The following RBFOX1 variants were observed in gnomAD, a reference collection of about 807,000 sequenced individuals.
The protein encoded by RBFOX1 is RNA binding fox-1 homolog 1.
RBFOX1 carries 8 observed loss-of-function variants against 57.7 expected under a neutral mutation model. The observed-to-expected ratio is 0.14, with a 90% CI of 0.08 to 0.25. The LOEUF (loss-of-function observed/expected upper bound fraction) is 0.25. Among genes scored for constraint, RBFOX1 ranks in the 10% least tolerant of loss-of-function variants. The probability of loss-of-function intolerance (pLI) is 1.00; values close to 1 mark genes in which losing one functional copy is unlikely to be tolerated. For synonymous variants in RBFOX1, 326 were observed against 222.4 expected (o/e 1.47, Z -4.15); for missense variants, 611 against 548.5 (o/e 1.11, Z -1.14).
rs1383563643 is a variant in RBFOX1 at position 7,120,153 on chromosome 16, C to T, written c.27+68055C>T. On this transcript the variant is annotated intron_variant, in intron 4 of 15. Transcript: ENST00000550418. ...GAATTATAGAACTTAAATGAAAATA[C>T]ATTTTACAAAATATATGGTGGGAAG... Among the ~76,000 whole-genome samples the T allele has an allele frequency of 3.3e-5, 5 of 152,074 alleles. No individual in the cohort carries two copies. The South Asian group carries it at 8.3e-4, about 25-fold the overall frequency.
intron 2 of RBFOX1, among the ~76,000 whole-genome samples, chr16:6,573,455 A>G (rs900677673): frequency 1.3e-5 from 2 of 152,186 alleles, no homozygotes; most frequent in Non-Finnish European, 2.9e-5. Context: ...ATTCACTCAG[A>G]TCATAATCAG....
rs1248692062 is a variant in RBFOX1, at chr16:6,196,400, G to C, written c.-126-120595G>C. The stretch of plus-strand genomic sequence containing the variant: ...ATTGACAGGATAACATTATCTTTCA[G>C]ATTTTTTGTAGGTAATTTAAATAAT... On this transcript the variant is annotated intron_variant, in intron 1 of 15. Transcript: ENST00000550418. Among the ~76,000 whole-genome samples the C allele has an allele frequency of 2.0e-5, 3 of 152,166 alleles. No individual in the cohort carries two copies. In the East Asian group the frequency reaches 5.8e-4, roughly 29 times the overall value.
intron 3 of RBFOX1, among the ~76,000 whole-genome samples, chr16:7,000,700 G>C (rs923087107): frequency 1.4e-5 from 2 of 142,054 alleles, no homozygotes; most frequent in South Asian, 2.4e-4. Context: ...TGCCTACCGG[G>C]TTCATGCCAT....
intron 4 of RBFOX1, among the ~76,000 whole-genome samples, chr16:7,159,128 G>A (rs1443028980): frequency 6.6e-6 from 1 of 151,924 alleles, no homozygotes; most frequent in African/African-American, 2.4e-5. Context: ...TGTAACCTTT[G>A]GAGACTGGCT....
rs534056332 is a variant in RBFOX1 at position 5,720,814 on chromosome 16, T to C, written c.318+121853T>C. Among the ~76,000 whole-genome samples the C allele has an allele frequency of 9.2e-5, 14 of 152,380 alleles. No homozygotes were observed. The South Asian group carries it at 2.9e-3, about 32-fold the overall frequency. On this transcript the variant is annotated intron_variant, in intron 3 of 19. Coordinates refer to the RBFOX1 transcript ENST00000641259. Reference sequence around the variant, plus strand: ...TATATAAGTTCTTAGGCTAGTACCATACTATCTTCATCACTGTAGCTTTGT... The same window carrying C: ...TATATAAGTTCTTAGGCTAGTACCACACTATCTTCATCACTGTAGCTTTGT...
At chr16:6,625,186 G>C (rs1344860569) in intron 2 of RBFOX1, among the ~76,000 whole-genome samples, 1 of 88,536 alleles carries the variant, frequency 1.1e-5, no homozygotes, top group Admixed American at 1.1e-4. Flanking sequence ...AAAAAAAAAA[G>C]GTATTCTGGT....
intron 1 of RBFOX1, among the ~76,000 whole-genome samples, chr16:6,278,608 C>G (rs996997113): frequency 2.0e-5 from 3 of 151,954 alleles, no homozygotes; most frequent in Non-Finnish European, 4.4e-5. Context: ...TCGTGGGTCT[C>G]TACAAAGATT....
intron 2 of RBFOX1, among the ~76,000 whole-genome samples, chr16:5,527,761 C>T (rs1325461711): frequency 6.6e-6 from 1 of 152,166 alleles, no homozygotes; most frequent in Non-Finnish European, 1.5e-5. Flanking sequence ...TTGTACCTTG[C>T]ATCTAAGGGA....
chr16:6,925,139 TTTTTTTTTTTTTG>T (rs2075320074), intron 3 of RBFOX1, among the ~76,000 whole-genome samples: 4 of 78,338 alleles, frequency 5.1e-5, no homozygotes, highest in Non-Finnish European at 7.6e-5. Context: ...TTTTTTTTTT[TTTTTTTTTTTTTG>T]AGATGGAGTT....
intron 4 of RBFOX1, among the ~76,000 whole-genome samples, chr16:7,089,233 G>A (rs11861485): frequency 0.41 from 61,996 of 151,894 alleles, 12,844 homozygotes; most frequent in East Asian, 0.49. Context: ...TTTTCTCTTC[G>A]AGCTTGCGTA....
At chr16:6,508,858 A>G (rs1349639417) in intron 2 of RBFOX1, among the ~76,000 whole-genome samples, 1 of 135,592 alleles carries the variant, frequency 7.4e-6, no homozygotes, top group African/African-American at 2.9e-5. Flanking sequence ...GCACCAACCT[A>G]CGAATCATAA....
At chr16:6,280,640 C>G (rs1033518265) in intron 1 of RBFOX1, among the ~76,000 whole-genome samples, 3 of 152,018 alleles carry the variant, frequency 2.0e-5, no homozygotes, top group African/African-American at 7.3e-5. Context: ...GCCCCACGAG[C>G]CAGAATATAG....
intron 4 of RBFOX1, among the ~76,000 whole-genome samples, chr16:7,322,736 G>A (rs1487781620): frequency 6.6e-6 from 1 of 152,120 alleles, no homozygotes; most frequent in African/African-American, 2.4e-5. Flanking sequence ...CAATGGTATG[G>A]GAAAAAGCCA....
chr16:6,207,530 A>T (rs1334495634), intron 1 of RBFOX1, among the ~76,000 whole-genome samples: 1 of 152,094 alleles, frequency 6.6e-6, no homozygotes, highest in Non-Finnish European at 1.5e-5. Context: ...AGAAGAAGAG[A>T]TTCAAGGAGA....
chr16:6,933,297 T>C (rs567776214), intron 3 of RBFOX1, among the ~76,000 whole-genome samples: 7 of 152,348 alleles, frequency 4.6e-5, no homozygotes, highest in African/African-American at 1.7e-4. Flanking sequence ...TATTTATTTA[T>C]TTTTTAGTAA....
intron 4 of RBFOX1, among the ~76,000 whole-genome samples, chr16:5,983,597 C>G (rs902781576): frequency 6.6e-6 from 1 of 152,184 alleles, no homozygotes; most frequent in African/African-American, 2.4e-5. Context: ...GGCTCAGGTG[C>G]TCAGGAAGCG....
Position 5,996,327 on chromosome 16 carries a change from G to T in RBFOX1, c.351+128992G>T, listed in dbSNP as rs187973274. ...TAGACTCCACAGAAGGCATGCCTCT[G>T]ATTTGAAACCCATGAGAACCCAGGT... is the stretch of plus-strand genomic sequence containing the variant. On this transcript the variant is annotated intron_variant, in intron 4 of 19. Coordinates refer to the RBFOX1 transcript ENST00000641259. Among the ~76,000 whole-genome samples, 63 of 152,290 alleles carry T rather than the reference G, an allele frequency of 4.1e-4. 1 individual carries two copies. In the East Asian group the frequency reaches 0.012, roughly 29 times the overall value.
intron 1 of RBFOX1, among the ~76,000 whole-genome samples, chr16:6,050,087 T>C (rs2095537388): frequency 6.6e-6 from 1 of 151,738 alleles, no homozygotes; most frequent in African/African-American, 2.4e-5. Flanking sequence ...GCTTCCTGAG[T>C]AGCTGGAACT....
In RBFOX1 at chr16:6,796,205, A is replaced by G. The variant is rs545584657; in HGVS notation, c.-16+141555A>G. Among the ~76,000 whole-genome samples the G allele has an allele frequency of 4.6e-5, 7 of 152,230 alleles. No individual in the cohort carries two copies. The South Asian group carries it at 1.0e-3, about 23-fold the overall frequency. On this transcript the variant is annotated intron_variant, in intron 3 of 15. Coordinates refer to ENST00000550418, the MANE Select transcript of RBFOX1 (RefSeq NM_018723.4). ...GGAAACTCCCATTTTTTAAACCATC[A>G]TATCTGAAGAGACTTATTCACTATG...
Sources: allele counts gnomAD v4.1 joint callset (sites outside exome capture counted in the v4.1 genomes callset), GRCh38; gene constraint gnomAD v4.1.1; transcripts MANE v1.5; gene names NCBI Gene and HGNC (gene_info 2026-07-23, HGNC 2026-07-21).